ALDH2: variants seen among roughly 807,000 people sequenced by gnomAD.
The protein encoded by ALDH2 is aldehyde dehydrogenase, mitochondrial.
In ALDH2, 44 loss-of-function variants were observed where a neutral mutation model predicts 59.6. The observed-to-expected ratio is 0.74, with a 90% CI of 0.58 to 0.95. The LOEUF (loss-of-function observed/expected upper bound fraction) is 0.95. ALDH2 is among the 40% of genes least tolerant of loss of function. ALDH2 has a pLI of 0.00. For missense variants in ALDH2, 570 were observed against 696.3 expected (o/e 0.82, Z 2.04); for synonymous variants, 291 against 284.0 (o/e 1.02, Z -0.25).
intron 1 of ALDH2, among the ~76,000 whole-genome samples, chr12:111,776,454 G>A (rs1294986206): frequency 6.6e-6 from 1 of 152,044 alleles, no homozygotes; most frequent in East Asian, 1.9e-4. Flanking sequence ...AAATCTGTGA[G>A]GGATGGAGTC....
At chr12:111,807,002 C>G (rs944460324) in intron 12 of ALDH2, among the ~76,000 whole-genome samples, 1 of 151,842 alleles carries the variant, frequency 6.6e-6, no homozygotes, top group Non-Finnish European at 1.5e-5. Flanking sequence ...CATGGTGGCT[C>G]ACGCCTGTAA....
chr12:111,804,968 A>G (rs2136027761), intron 12 of ALDH2, among the ~76,000 whole-genome samples: 1 of 152,322 alleles, frequency 6.6e-6, no homozygotes, highest in Non-Finnish European at 1.5e-5. Context: ...CGTTCCTTCC[A>G]TAAATATTCA....
chr12:111,767,160 AG>A, intron 1 of ALDH2, 64 bp downstream of exon 1: 1 of 1,317,856 alleles, frequency 7.6e-7, no homozygotes, highest in Non-Finnish European at 1.0e-6. Context: ...GCCCCTAGGA[AG>A]GCCCCGCGCC....
At chr12:111,787,941 A>T (rs1212782307) in intron 4 of ALDH2, among the ~76,000 whole-genome samples, 4 of 152,136 alleles carry the variant, frequency 2.6e-5, no homozygotes, top group Non-Finnish European at 5.9e-5. Context: ...CAGGAGGCTG[A>T]GGCAGGAGAA....
intron 10 of ALDH2, 46 bp from the exon 11 acceptor site, chr12:111,799,835 CTGCTCTGAGAGAGCTCGATGGCAGG>C: frequency 6.5e-7 from 1 of 1,534,938 alleles, no homozygotes; most frequent in Non-Finnish European, 8.9e-7. Context: ...ATCATCTGTT[CTGCTCTGAGAGAGCTCGATGGCAGG>C]TGCCTCCGTG....
chr12:111,789,997 A>T (rs1593078466), intron 5 of ALDH2, 63 bp downstream of exon 5: 2 of 1,505,092 alleles, frequency 1.3e-6, no homozygotes, highest in East Asian at 4.5e-5. Context: ...TGCCAGACTC[A>T]TTGCAGAGGT....
intron 1 of ALDH2, among the ~76,000 whole-genome samples, chr12:111,774,242 G>T (rs1249652034): frequency 6.6e-6 from 1 of 152,192 alleles, no homozygotes; most frequent in African/African-American, 2.4e-5. Context: ...CAAGCCTGGG[G>T]AGATGACTGC....
At chr12:111,798,320 C>G in intron 10 of ALDH2, 78 bp downstream of exon 10, 3 of 1,451,684 alleles carry the variant, frequency 2.1e-6, no homozygotes, top group Non-Finnish European at 2.7e-6. Context: ...CATCCTGATG[C>G]TGTCACCCAT....
chr12:111,808,168 C>T (rs2068511591), intron 12 of ALDH2, among the ~76,000 whole-genome samples: 1 of 152,038 alleles, frequency 6.6e-6, no homozygotes, highest in African/African-American at 2.4e-5. Context: ...AACCACTGTG[C>T]CTGGCCCACT....
Position 111,789,675 on chromosome 12 carries a change from A to T in ALDH2, c.441-148A>T. 6 of 675,726 alleles carry T rather than the reference A, an allele frequency of 8.9e-6. No homozygotes were observed. In the South Asian group the frequency reaches 1.1e-4, roughly 13 times the overall value. The allele number at this position is 675,726 out of a possible 1,614,324, so 41.9% of individuals were successfully genotyped here. On this transcript the variant is annotated intron_variant, in intron 4 of 12. Transcript: ENST00000261733. ...TAGAGTAGATTTTCGTGACCTTTGCAGTCACTTGTCTCTCTCTGAATAAGC... is the reference window on the plus strand; with the variant it reads ...TAGAGTAGATTTTCGTGACCTTTGCTGTCACTTGTCTCTCTCTGAATAAGC...
intron 4 of ALDH2, among the ~76,000 whole-genome samples, chr12:111,787,911 C>A (rs985344603): frequency 6.6e-6 from 1 of 151,824 alleles, no homozygotes; most frequent in African/African-American, 2.4e-5. Context: ...TGGTGGCAGG[C>A]GCCTATAGTC....
chr12:111,803,502 G>T (rs908246082), intron 11 of ALDH2, among the ~76,000 whole-genome samples: 2 of 152,022 alleles, frequency 1.3e-5, no homozygotes, highest in African/African-American at 2.4e-5. Flanking sequence ...CTACTTGGGA[G>T]GCTGAGGCAG....
At chr12:111,778,292 C>T (rs1007475095) in intron 1 of ALDH2, among the ~76,000 whole-genome samples, 1 of 152,194 alleles carries the variant, frequency 6.6e-6, no homozygotes, top group Non-Finnish European at 1.5e-5. Flanking sequence ...CGCCTGTAAT[C>T]CCAGCACTTT....
intron 6 of ALDH2, 92 bp downstream of exon 6, chr12:111,790,654 A>G: frequency 1.3e-6 from 2 of 1,544,840 alleles, no homozygotes; most frequent in Non-Finnish European, 8.8e-7. Flanking sequence ...GTCCCTAAAC[A>G]GGGAGGTGTG....
At chr12:111,798,043 G>A (rs368798841) in intron 9 of ALDH2, 35 bp from the exon 10 acceptor site, 17 of 1,613,190 alleles carry the variant, frequency 1.1e-5, no homozygotes, top group South Asian at 3.3e-5. Context: ...GTCTGAATCC[G>A]ATGTCTCCAT....
chr12:111,806,655 A>T (rs1032105599), intron 12 of ALDH2, among the ~76,000 whole-genome samples: 4 of 152,232 alleles, frequency 2.6e-5, no homozygotes, highest in Non-Finnish European at 4.4e-5. Context: ...GAAACTTTCC[A>T]ATCTATGCAA....
chr12:111,801,717 G>A (rs1481836690), intron 11 of ALDH2, among the ~76,000 whole-genome samples: 1 of 151,436 alleles, frequency 6.6e-6, no homozygotes, highest in African/African-American at 2.4e-5. Context: ...AAGAACCCAG[G>A]CACAAAAGGC....
At chr12:111,799,803 G>T (rs763211754) in intron 10 of ALDH2, 103 bp from the exon 11 acceptor site, 2 of 1,368,626 alleles carry the variant, frequency 1.5e-6, no homozygotes, top group South Asian at 2.8e-5. Flanking sequence ...AGCATGGCTG[G>T]GGGCTTATCC....
At chr12:111,784,372 T>A (rs2068294945) in intron 3 of ALDH2, among the ~76,000 whole-genome samples, 1 of 152,330 alleles carries the variant, frequency 6.6e-6, no homozygotes, top group Non-Finnish European at 1.5e-5. Context: ...TGCACTGCAG[T>A]CCTCACATTC....
Sources: allele counts gnomAD v4.1 joint callset (sites outside exome capture counted in the v4.1 genomes callset), GRCh38; gene constraint gnomAD v4.1.1; transcripts MANE v1.5; gene names NCBI Gene and HGNC (gene_info 2026-07-23, HGNC 2026-07-21).